The following PLCB1 variants were observed in gnomAD, a reference collection of about 807,000 sequenced individuals.
PLCB1 encodes phospholipase C beta 1, also known as 1-phosphatidylinositol 4,5-bisphosphate phosphodiesterase beta-1.
Under a neutral mutation model 161.8 loss-of-function variants are expected in PLCB1, and 46 were observed. The observed-to-expected ratio is 0.28, with a 90% CI of 0.22 to 0.36. The LOEUF is 0.36. Ranked by LOEUF, PLCB1 falls within the 10% of genes least tolerant of loss-of-function variation. The pLI, the probability that PLCB1 is intolerant of heterozygous loss-of-function variation, is 1.00. For missense variants in PLCB1, 1,016 were observed against 1,472.5 expected (o/e 0.69, Z 5.07); for synonymous variants, 517 against 503.7 (o/e 1.03, Z -0.35).
chr20:8,138,004 A>G, intron 1 of PLCB1, among the ~76,000 whole-genome samples: 1 of 152,228 alleles, frequency 6.6e-6, no homozygotes, highest in East Asian at 1.9e-4. Context: ...TATAGCAGGT[A>G]TAGTAAATGC....
intron 3 of PLCB1, among the ~76,000 whole-genome samples, chr20:8,399,542 A>G (rs1360119806): frequency 2.0e-5 from 3 of 152,130 alleles, no homozygotes; most frequent in Non-Finnish European, 2.9e-5. Context: ...GGAAAAGTGG[A>G]TTCTTATTCT....
chr20:8,528,399 A>G (rs2122906980), intron 3 of PLCB1, among the ~76,000 whole-genome samples: 1 of 152,242 alleles, frequency 6.6e-6, no homozygotes, highest in Admixed American at 6.6e-5. Flanking sequence ...AAAAAGTTGA[A>G]TGAAAGAAGC....
intron 3 of PLCB1, among the ~76,000 whole-genome samples, chr20:8,601,128 T>G (rs1987572961): frequency 6.7e-6 from 1 of 149,442 alleles, no homozygotes; most frequent in Non-Finnish European, 1.5e-5. Flanking sequence ...CTCCTCCCCC[T>G]GTCTATACAA....
intron 4 of PLCB1, among the ~76,000 whole-genome samples, chr20:8,632,739 T>C (rs575382061): frequency 1.3e-5 from 2 of 152,264 alleles, no homozygotes; most frequent in South Asian, 4.1e-4. Context: ...AAAGATAGTC[T>C]GGTGTACTTT....
intron 22 of PLCB1, 23 bp from the exon 23 acceptor site, chr20:8,741,441 T>G (rs1041507259): frequency 4.0e-5 from 61 of 1,529,222 alleles, no homozygotes; most frequent in Non-Finnish European, 5.3e-5. Flanking sequence ...ACCTTTGATC[T>G]AAAATATCTC....
At chr20:8,826,078 G>A (rs1414896873) in intron 31 of PLCB1, among the ~76,000 whole-genome samples, 1 of 152,184 alleles carries the variant, frequency 6.6e-6, no homozygotes, top group Non-Finnish European at 1.5e-5. Flanking sequence ...GGCATCTAGA[G>A]AAGTCATGTG....
chr20:8,829,938 C>T (rs6086617), intron 31 of PLCB1, among the ~76,000 whole-genome samples: 43,924 of 151,978 alleles, frequency 0.29, 6,510 homozygotes, highest in Middle Eastern at 0.41. Context: ...GAAAATATTA[C>T]GAAGCCAACC....
At chr20:8,650,500 G>A (rs2207070) in intron 7 of PLCB1, among the ~76,000 whole-genome samples, 30,549 of 152,100 alleles carry the variant, frequency 0.2, 3,355 homozygotes, top group Admixed American at 0.31. Context: ...TGAGCACACT[G>A]CCTATGGAGT....
At chr20:8,749,904 A>G (rs937302170) in intron 23 of PLCB1, among the ~76,000 whole-genome samples, 3 of 152,136 alleles carry the variant, frequency 2.0e-5, no homozygotes, top group African/African-American at 4.8e-5. Flanking sequence ...TAATAGAGCT[A>G]TTTATTATGT....
At chr20:8,733,103 T>C in intron 18 of PLCB1, 135 bp from the exon 19 acceptor site, 1 of 870,036 alleles carries the variant, frequency 1.1e-6, no homozygotes. Context: ...CTGTGTTTCC[T>C]GCATTTCTAC....
At chr20:8,769,539 A>G (rs1202908913) in intron 26 of PLCB1, among the ~76,000 whole-genome samples, 3 of 152,214 alleles carry the variant, frequency 2.0e-5, no homozygotes, top group Non-Finnish European at 4.4e-5. Flanking sequence ...TGGACAACGT[A>G]TTGCCAAAGA....
intron 2 of PLCB1, among the ~76,000 whole-genome samples, chr20:8,225,036 C>G (rs1468884899): frequency 1.3e-5 from 2 of 152,148 alleles, no homozygotes; most frequent in Non-Finnish European, 2.9e-5. Context: ...TTAAAACCAT[C>G]CTTAACTCAT....
chr20:8,696,943 C>T (rs904097898), intron 10 of PLCB1, among the ~76,000 whole-genome samples: 1 of 152,152 alleles, frequency 6.6e-6, no homozygotes, highest in Non-Finnish European at 1.5e-5. Context: ...CCATGTTAGC[C>T]AGGATGGTCT....
rs1336737413 is a variant in PLCB1, at chr20:8,132,366, G to C, written c.-286G>C. On this transcript the variant is annotated 5_prime_UTR_variant, in exon 1 of 32. Coordinates refer to ENST00000338037, the MANE Select transcript of PLCB1 (RefSeq NM_015192.4). The surrounding 1 kb of genome is among the most constrained non-coding windows in gnomAD (Gnocchi z 5.2). ...TCCGCCGCGACTGGCAGCCTCGGCT[G>C]ACCGGCTCGGCTTCTCTTCGCCTTC... 3.9e-6 allele frequency: 1 copy of C among 257,048 alleles called. No homozygotes were observed. The allele number at this position is 257,048 out of a possible 1,614,324, so 15.9% of individuals were successfully genotyped here. A position where few individuals can be genotyped will look rare whatever the true frequency, so the allele number is the denominator to read the frequency against.
intron 7 of PLCB1, chr20:8,651,641 G>A (rs1232374346): frequency 3.4e-6 from 2 of 585,512 alleles, no homozygotes; most frequent in African/African-American, 3.7e-5. Flanking sequence ...TTGAGAATAT[G>A]GTGGTGAAGA....
At chr20:8,398,885 G>T (rs183491135) in intron 3 of PLCB1, among the ~76,000 whole-genome samples, 116 of 151,798 alleles carry the variant, frequency 7.6e-4, no homozygotes, top group Non-Finnish European at 1.3e-3. Context: ...TGTTCTCCCG[G>T]TTTATTTTTT....
At chr20:8,424,323 C>T (rs1053017574) in intron 3 of PLCB1, among the ~76,000 whole-genome samples, 1 of 152,156 alleles carries the variant, frequency 6.6e-6, no homozygotes, top group African/African-American at 2.4e-5. Context: ...TTAGGGGTCT[C>T]AGATAACATA....
intron 2 of PLCB1, among the ~76,000 whole-genome samples, chr20:8,272,065 C>T (rs538268312): frequency 6.6e-5 from 10 of 152,026 alleles, no homozygotes; most frequent in Non-Finnish European, 1.3e-4. Flanking sequence ...TAATGGCTTA[C>T]AGTTTTGTCC....
At position 8,844,947 on chromosome 20, in the gene PLCB1, G is replaced by GA. The variant is rs544024505; in HGVS notation, c.3424-36667dup. On this transcript the variant is annotated intron_variant, in intron 31 of 31. Transcript: ENST00000338037. ...AACATGGTGAAACCCCATCTCTACT[G>GA]AAAAAAAATACAAAAAATTAGCCGG... is the stretch of plus-strand genomic sequence containing the variant. Among the ~76,000 whole-genome samples, 448 of 151,214 alleles carry GA rather than the reference G, an allele frequency of 3.0e-3. 2 individuals carry two copies. The highest frequency in any genetic ancestry group is 1.0e-2 in the African/African-American group (410 of 41,206).
Sources: gnomAD v4.1 joint callset for allele counts (sites outside exome capture counted in the v4.1 genomes callset) on GRCh38, gnomAD v4.1.1 for gene constraint, Gnocchi (gnomAD v3.1) non-coding constraint, MANE v1.5 for transcripts, NCBI Gene and HGNC (gene_info 2026-07-23, HGNC 2026-07-21) for gene names.